Variants in SOX5 observed in about 807,000 individuals in gnomAD.
The protein encoded by SOX5 is SRY-box transcription factor 5, also known as transcription factor SOX-5.
SOX5 carries 9 observed loss-of-function variants against 92.0 expected under a neutral mutation model. The observed-to-expected ratio is 0.10, with a 90% CI of 0.06 to 0.17. The LOEUF is 0.17. Ranked by LOEUF, SOX5 falls within the 10% of genes least tolerant of loss-of-function variation. The probability of loss-of-function intolerance (pLI) is 1.00; values close to 1 mark genes in which losing one functional copy is unlikely to be tolerated. For synonymous variants in SOX5, 344 were observed against 336.3 expected, an observed-to-expected ratio of 1.02 and a Z score of -0.25; for missense variants, 642 against 944.5, an observed-to-expected ratio of 0.68 and a Z score of 4.20.
chr12:24,517,484 G>A (rs914221272), intron 1 of SOX5, among the ~76,000 whole-genome samples: 2 of 152,054 alleles, frequency 1.3e-5, no homozygotes, highest in Non-Finnish European at 2.9e-5. Context: ...GAGAAGCAGG[G>A]GAAGTTATAT....
intron 7 of SOX5, among the ~76,000 whole-genome samples, chr12:23,644,784 T>C (rs2138853779): frequency 6.6e-6 from 1 of 152,324 alleles, no homozygotes; most frequent in Non-Finnish European, 1.5e-5. Flanking sequence ...GACATTTAGA[T>C]ATTTAAAAGC....
intron 6 of SOX5, among the ~76,000 whole-genome samples, chr12:23,698,250 T>G (rs2090155184): frequency 6.6e-6 from 1 of 152,146 alleles, no homozygotes; most frequent in Admixed American, 6.6e-5. Flanking sequence ...TTTAGGGTTC[T>G]TTGAGGTTCT....
intron 4 of SOX5, among the ~76,000 whole-genome samples, chr12:24,164,185 A>G (rs373997497): frequency 1.3e-5 from 2 of 152,062 alleles, no homozygotes; most frequent in East Asian, 1.9e-4. Context: ...ACCGTTTTCT[A>G]TGACACAGAA....
chr12:23,567,558 T>A (rs1020994), intron 10 of SOX5, among the ~76,000 whole-genome samples: 44,978 of 149,052 alleles, frequency 0.3, 6,880 homozygotes, highest in Admixed American at 0.34. Context: ...ACTTCTGGGC[T>A]CAAGCAATCA....
At chr12:23,617,633 C>A (rs2076720577) in intron 8 of SOX5, among the ~76,000 whole-genome samples, 1 of 152,130 alleles carries the variant, frequency 6.6e-6, no homozygotes, top group South Asian at 2.1e-4. Flanking sequence ...TTTGAACTTA[C>A]TTAAATCTTA....
rs1960088972 is a variant in SOX5 at position 24,220,267 on chromosome 12, A to G, written c.-76-6850T>C. Among the ~76,000 whole-genome samples the G allele has an allele frequency of 2.0e-5, 3 of 152,110 alleles. No homozygotes were observed. In the South Asian group the frequency reaches 6.2e-4, roughly 31 times the overall value. On this transcript the variant is annotated intron_variant, in intron 3 of 4. Coordinates refer to the SOX5 transcript ENST00000446891. Reference sequence around the variant, plus strand: ...ATTTATATAGTTAACCACTGAGATAAATAATTATCAAATAACATTAATTTT... The same window carrying G: ...ATTTATATAGTTAACCACTGAGATAGATAATTATCAAATAACATTAATTTT...
At chr12:24,271,815 C>G (rs78281516) in intron 3 of SOX5, among the ~76,000 whole-genome samples, 2,948 of 152,216 alleles carry the variant, frequency 0.019, 65 homozygotes, top group African/African-American at 0.049. Flanking sequence ...CTCTCATTTG[C>G]CTACTTGTCT....
At chr12:23,810,025 CA>C (rs2095849831) in intron 3 of SOX5, among the ~76,000 whole-genome samples, 1 of 151,964 alleles carries the variant, frequency 6.6e-6, no homozygotes, top group South Asian at 2.1e-4. Context: ...TAAAATGCAA[CA>C]AAACATCCTA....
At chr12:24,429,649 C>A (rs1937889867) in intron 1 of SOX5, among the ~76,000 whole-genome samples, 1 of 151,838 alleles carries the variant, frequency 6.6e-6, no homozygotes, top group Non-Finnish European at 1.5e-5. Context: ...CACACACACA[C>A]ACCCCATGAG....
In SOX5 at chr12:23,854,860, G is replaced by A. The variant is rs1160147822; in HGVS notation, c.271-8667C>T. 3.3e-5 allele frequency among the ~76,000 whole-genome samples: 5 copies of A among 152,040 alleles called. 1 individual carries two copies. The South Asian group carries it at 1.0e-3, about 31-fold the overall frequency. Reference sequence around the variant, plus strand: ...CATCTAATACCTCACTGGGTTGCTAGAGGATTATAAGTTAAAATATAATGA... The same window carrying A: ...CATCTAATACCTCACTGGGTTGCTAAAGGATTATAAGTTAAAATATAATGA... On this transcript the variant is annotated intron_variant, in intron 2 of 14. Coordinates refer to ENST00000451604, the MANE Select transcript of SOX5 (RefSeq NM_006940.6).
chr12:23,993,061 A>C (rs573793297), intron 4 of SOX5, among the ~76,000 whole-genome samples: 2 of 152,182 alleles, frequency 1.3e-5, no homozygotes, highest in African/African-American at 4.8e-5. Context: ...TTCCTCAAAA[A>C]TTTACTTCAT....
chr12:23,955,030 G>A (rs527313472), upstream of SOX5, among the ~76,000 whole-genome samples: 1 of 152,014 alleles, frequency 6.6e-6, no homozygotes, highest in Non-Finnish European at 1.5e-5. Context: ...AACTAAATGC[G>A]ATATGTAGAC....
intron 1 of SOX5, among the ~76,000 whole-genome samples, chr12:24,551,595 G>A (rs767415087): frequency 2.6e-5 from 4 of 152,120 alleles, no homozygotes; most frequent in African/African-American, 7.2e-5. Context: ...CAGATCACAC[G>A]GAGAACAAAT....
At chr12:23,866,266 T>G (rs1411966749) in intron 2 of SOX5, among the ~76,000 whole-genome samples, 1 of 152,190 alleles carries the variant, frequency 6.6e-6, no homozygotes, top group Non-Finnish European at 1.5e-5. Flanking sequence ...GTAATATATA[T>G]TTATGATTTG....
chr12:24,325,550 C>T (rs1490130367), intron 2 of SOX5, among the ~76,000 whole-genome samples: 1 of 152,020 alleles, frequency 6.6e-6, no homozygotes, highest in African/African-American at 2.4e-5. Context: ...CAGAGCTTCC[C>T]CTCAATGAAG....
intron 1 of SOX5, among the ~76,000 whole-genome samples, chr12:23,925,780 G>C (rs1939776705): frequency 6.6e-6 from 1 of 152,024 alleles, no homozygotes; most frequent in African/African-American, 2.4e-5. Flanking sequence ...ACTGATCTTA[G>C]AAACAAACTA....
At chr12:24,121,885 C>CAA (rs900951883) in intron 4 of SOX5, among the ~76,000 whole-genome samples, 132 of 48,038 alleles carry the variant, frequency 2.7e-3, no homozygotes, top group Middle Eastern at 0.017. Context: ...GACTCTATCT[C>CAA]AAAAAAAAAA....
chr12:24,523,091 A>C (rs1238728646), intron 1 of SOX5, among the ~76,000 whole-genome samples: 18 of 152,168 alleles, frequency 1.2e-4, no homozygotes, highest in Admixed American at 1.2e-3. Flanking sequence ...CAACATACAA[A>C]AATTGGTTGC....
chr12:24,191,732 T>C (rs967182683), intron 4 of SOX5, among the ~76,000 whole-genome samples: 1 of 152,204 alleles, frequency 6.6e-6, no homozygotes, highest in African/African-American at 2.4e-5. Context: ...CAACAGGTAT[T>C]TTCAGATAAC....
Sources: gnomAD v4.1 joint callset for allele counts (sites outside exome capture counted in the v4.1 genomes callset) on GRCh38, gnomAD v4.1.1 for gene constraint, MANE v1.5 for transcripts, NCBI Gene and HGNC (gene_info 2026-07-23, HGNC 2026-07-21) for gene names.